The following GPC5 variants were observed in gnomAD, a reference collection of about 807,000 sequenced individuals.
GPC5 encodes the protein glypican 5, also known as glypican-5.
In GPC5, 47 loss-of-function variants were observed where a neutral mutation model predicts 53.9. The observed-to-expected ratio is 0.87, with a 90% confidence interval of 0.69 to 1.11. The LOEUF is 1.11. Ranked by LOEUF, GPC5 falls within the 50% of genes most tolerant of loss-of-function variation. The pLI, the probability that GPC5 is intolerant of heterozygous loss-of-function variation, is 0.00. For missense variants in GPC5, 748 were observed against 713.1 expected (o/e 1.05, Z -0.56); for synonymous variants, 286 against 263.3 (o/e 1.09, Z -0.84).
chr13:92,356,234 A>G (rs781525646), intron 7 of GPC5, among the ~76,000 whole-genome samples: 1 of 152,306 alleles, frequency 6.6e-6, no homozygotes. Context: ...CAAAATAGCA[A>G]GGTGTCCAGG....
At chr13:91,935,075 G>A (rs1271701535) in intron 6 of GPC5, among the ~76,000 whole-genome samples, 1 of 151,944 alleles carries the variant, frequency 6.6e-6, no homozygotes, top group East Asian at 1.9e-4. Context: ...GAGCTAAATA[G>A]ATATGGGAAG....
chr13:92,258,519 C>G (rs563830364), intron 7 of GPC5, among the ~76,000 whole-genome samples: 1 of 152,236 alleles, frequency 6.6e-6, no homozygotes, highest in East Asian at 1.9e-4. Flanking sequence ...AAGAGTAAAT[C>G]AGAAGAGTTT....
intron 5 of GPC5, among the ~76,000 whole-genome samples, chr13:91,814,582 C>G (rs1261722508): frequency 6.6e-6 from 1 of 151,676 alleles, no homozygotes; most frequent in Non-Finnish European, 1.5e-5. Flanking sequence ...CTCTCGTCAC[C>G]CAGGCTGGAG....
intron 2 of GPC5, among the ~76,000 whole-genome samples, chr13:91,571,939 GTATATACATATACACACA>G (rs1566516280): frequency 2.3e-5 from 3 of 132,374 alleles, no homozygotes; most frequent in Non-Finnish European, 3.2e-5. Flanking sequence ...ATACACACAT[GTATATACATATACACACA>G]TATATGTATA....
At chr13:91,659,457 A>G (rs1404878256) in intron 2 of GPC5, among the ~76,000 whole-genome samples, 3 of 152,192 alleles carry the variant, frequency 2.0e-5, no homozygotes, top group African/African-American at 4.8e-5. Flanking sequence ...ATGGTTGGTT[A>G]TGGTCACATA....
Position 92,158,823 on chromosome 13 carries a change from C to T in GPC5, c.1561+13834C>T, listed in dbSNP as rs569493544. ...CATCATGTAATCTTTTTAGGCAGAG[C>T]GGTCCTCTAAGGAGAGGAGGCTGGT... On this transcript the variant is annotated intron_variant, in intron 7 of 7. Coordinates refer to ENST00000377067, the MANE Select transcript of GPC5 (RefSeq NM_004466.6). 2.1e-4 allele frequency among the ~76,000 whole-genome samples: 32 copies of T among 152,200 alleles called. 1 individual carries two copies. The South Asian group carries it at 3.7e-3, about 18-fold the overall frequency.
chr13:91,559,420 A>G (rs2031135792), intron 2 of GPC5, among the ~76,000 whole-genome samples: 1 of 152,178 alleles, frequency 6.6e-6, no homozygotes, highest in South Asian at 2.1e-4. Context: ...GGGAGCTTCT[A>G]TGATGGCCAT....
At chr13:92,319,892 G>T (rs2043204825) in intron 7 of GPC5, among the ~76,000 whole-genome samples, 1 of 152,036 alleles carries the variant, frequency 6.6e-6, no homozygotes, top group African/African-American at 2.4e-5. Context: ...GTGCTCTAGA[G>T]CATGAAACAA....
At position 92,497,948 on chromosome 13, in the gene GPC5, C is replaced by G. The variant is rs540776631; in HGVS notation, c.1561+352959C>G. ...GATTTTTGCACATTGCTTTTGTATCCTGAGACTGCTGAAGTTGCTTATCAG... is the reference window on the plus strand; with the variant it reads ...GATTTTTGCACATTGCTTTTGTATCGTGAGACTGCTGAAGTTGCTTATCAG... On this transcript the variant is annotated intron_variant, in intron 7 of 7. Coordinates refer to ENST00000377067, the MANE Select transcript of GPC5 (RefSeq NM_004466.6). 2.6e-5 allele frequency among the ~76,000 whole-genome samples: 4 copies of G among 152,078 alleles called. No individual in the cohort carries two copies. In the South Asian group the frequency reaches 8.3e-4, roughly 32 times the overall value.
At chr13:92,254,557 A>G (rs895850209) in intron 7 of GPC5, among the ~76,000 whole-genome samples, 4 of 152,110 alleles carry the variant, frequency 2.6e-5, no homozygotes, top group East Asian at 1.9e-4. Flanking sequence ...AACCACGAAT[A>G]AAAAACCATG....
chr13:91,929,177 C>T (rs759576696), intron 6 of GPC5, among the ~76,000 whole-genome samples: 62 of 152,072 alleles, frequency 4.1e-4, no homozygotes, highest in Non-Finnish European at 7.5e-4. Flanking sequence ...TAAATAACTA[C>T]AGGCTTTATT....
intron 7 of GPC5, among the ~76,000 whole-genome samples, chr13:92,773,965 T>C (rs1316410519): frequency 6.6e-6 from 1 of 152,132 alleles, no homozygotes; most frequent in Non-Finnish European, 1.5e-5. Context: ...CAAGAGAGCA[T>C]GTGCAGGGGA....
At chr13:91,520,151 T>C (rs1036075923) in intron 2 of GPC5, among the ~76,000 whole-genome samples, 8 of 152,154 alleles carry the variant, frequency 5.3e-5, no homozygotes, top group African/African-American at 1.9e-4. Context: ...CAGAGATCCA[T>C]ACATTCACAA....
intron 7 of GPC5, among the ~76,000 whole-genome samples, chr13:92,540,422 T>C (rs991127756): frequency 6.6e-6 from 1 of 151,788 alleles, no homozygotes; most frequent in African/African-American, 2.4e-5. Context: ...AAAGAAAAAA[T>C]AATGTGATAA....
chr13:91,810,636 T>C (rs1178046191), intron 5 of GPC5, among the ~76,000 whole-genome samples: 1 of 151,940 alleles, frequency 6.6e-6, no homozygotes, highest in Non-Finnish European at 1.5e-5. Context: ...ATGATGTGTC[T>C]CTCAGGATAA....
intron 7 of GPC5, among the ~76,000 whole-genome samples, chr13:92,414,166 T>C (rs1376816517): frequency 2.0e-5 from 3 of 152,218 alleles, no homozygotes; most frequent in Non-Finnish European, 4.4e-5. Flanking sequence ...GCTTACATTT[T>C]ATTGCAGAGA....
intron 2 of GPC5, among the ~76,000 whole-genome samples, chr13:91,487,308 G>C (rs1883666356): frequency 6.6e-6 from 1 of 152,134 alleles, no homozygotes; most frequent in Non-Finnish European, 1.5e-5. Flanking sequence ...ATGGTTAGTA[G>C]GGAGAATGAA....
chr13:92,085,318 A>G (rs1173408003), intron 6 of GPC5, among the ~76,000 whole-genome samples: 3 of 152,256 alleles, frequency 2.0e-5, no homozygotes, highest in Admixed American at 2.0e-4. Context: ...AGGGAAATGT[A>G]TAGGGCATTA....
chr13:91,858,998 G>C (rs1346626582), intron 5 of GPC5, among the ~76,000 whole-genome samples: 3 of 147,392 alleles, frequency 2.0e-5, no homozygotes, highest in Admixed American at 2.0e-4. Flanking sequence ...CAACTATAAT[G>C]TCACCTTTTT....
Sources: allele counts gnomAD v4.1 joint callset (sites outside exome capture counted in the v4.1 genomes callset), GRCh38; gene constraint gnomAD v4.1.1; transcripts MANE v1.5; gene names NCBI Gene and HGNC (gene_info 2026-07-23, HGNC 2026-07-21).